The following CSMD1 variants were observed in gnomAD, a reference collection of about 807,000 sequenced individuals.
CSMD1 encodes CUB and sushi domain-containing protein 1.
CSMD1 carries 213 observed loss-of-function variants against 417.5 expected under a neutral mutation model. That is an observed-to-expected ratio of 0.51 (90% CI 0.46 to 0.57). CSMD1 has a LOEUF of 0.57. CSMD1 is among the 20% of genes least tolerant of loss of function. The pLI is 0.00. For missense variants in CSMD1, 6,923 were observed against 4,529.7 expected, an observed-to-expected ratio of 1.53 and a Z score of -15.17; for synonymous variants, 2,862 against 1,736.8, an observed-to-expected ratio of 1.65 and a Z score of -16.11.
chr8:3,714,131 TAA>T (rs1346974771), intron 6 of CSMD1, among the ~76,000 whole-genome samples: 8 of 150,112 alleles, frequency 5.3e-5, no homozygotes, highest in Non-Finnish European at 1.0e-4. Flanking sequence ...ATATAACATA[TAA>T]GTTTATACGT....
chr8:4,516,284 A>T (rs1224126246), intron 2 of CSMD1, among the ~76,000 whole-genome samples: 3 of 152,056 alleles, frequency 2.0e-5, no homozygotes, highest in African/African-American at 7.2e-5. Flanking sequence ...GGAGAAACCA[A>T]CCCCACTGAC....
intron 5 of CSMD1, among the ~76,000 whole-genome samples, chr8:3,853,613 A>T (rs1804067051): frequency 6.6e-6 from 1 of 152,014 alleles, no homozygotes; most frequent in Non-Finnish European, 1.5e-5. Flanking sequence ...ATGAAAAAAG[A>T]AGGAGACCTT....
chr8:4,396,205 C>T (rs939713989), intron 3 of CSMD1, among the ~76,000 whole-genome samples: 2 of 151,918 alleles, frequency 1.3e-5, no homozygotes, highest in African/African-American at 4.8e-5. Context: ...TGACTCACGC[C>T]AATCCCAGCA....
intron 3 of CSMD1, among the ~76,000 whole-genome samples, chr8:4,316,530 T>C (rs1380421028): frequency 1.3e-5 from 2 of 152,120 alleles, no homozygotes; most frequent in Non-Finnish European, 2.9e-5. Context: ...CCATAATAGA[T>C]TTCTGGTAAA....
In CSMD1 at chr8:4,737,804, C is replaced by T. The variant is rs1038382170; in HGVS notation, c.86-100246G>A. 3.3e-5 allele frequency among the ~76,000 whole-genome samples: 5 copies of T among 152,226 alleles called. No homozygotes were observed. The South Asian group carries it at 8.3e-4, about 25-fold the overall frequency. ...CAAATAGTTCTTTGGACAATGGTAGCATCTAAAGTAATGGGCAGCATATGG... is the reference window on the plus strand; with the variant it reads ...CAAATAGTTCTTTGGACAATGGTAGTATCTAAAGTAATGGGCAGCATATGG... On this transcript the variant is annotated intron_variant, in intron 1 of 69. Transcript: ENST00000635120.
intron 8 of CSMD1, chr8:3,613,326 C>G (rs1801980803): frequency 4.8e-6 from 2 of 417,730 alleles, no homozygotes; most frequent in South Asian, 1.7e-5. Flanking sequence ...TGAATTATTC[C>G]AAACATTTAG....
chr8:4,717,827 C>A (rs955393204), intron 1 of CSMD1, among the ~76,000 whole-genome samples: 2 of 151,934 alleles, frequency 1.3e-5, no homozygotes, highest in African/African-American at 4.8e-5. Flanking sequence ...TACCGCCACC[C>A]CAGGAATCTC....
chr8:3,699,808 T>G (rs1316782114), intron 7 of CSMD1, among the ~76,000 whole-genome samples: 5 of 152,062 alleles, frequency 3.3e-5, no homozygotes, highest in African/African-American at 1.2e-4. Flanking sequence ...AAAATCTAAT[T>G]GAAGAAAAAC....
chr8:3,671,840 G>T (rs1044867345), intron 7 of CSMD1, among the ~76,000 whole-genome samples: 1 of 151,976 alleles, frequency 6.6e-6, no homozygotes, highest in East Asian at 1.9e-4. Flanking sequence ...TGACTTGAAA[G>T]CAGGCCCACT....
At chr8:3,633,657 C>G (rs909800361) in intron 7 of CSMD1, among the ~76,000 whole-genome samples, 1 of 152,106 alleles carries the variant, frequency 6.6e-6, no homozygotes, top group Non-Finnish European at 1.5e-5. Context: ...ATTTTTCAAT[C>G]TTAAGACATG....
At position 4,031,999 on chromosome 8, in the gene CSMD1, G is replaced by C. The variant is rs149086811; in HGVS notation, c.516C>G (p.Leu172=). The C allele has an allele frequency of 5.6e-6, 9 of 1,613,914 alleles. No homozygotes were observed. Among genetic ancestry groups the C allele is most frequent in the South Asian group, 5.5e-5 (5 of 91,086 alleles). The part of the protein sequence containing the change: ...NIGDKIRYSC[L]PGYILEGHAI... Reference sequence around the variant, plus strand: ...CGTGGCCTTCCAAGATGTAGCCAGGGAGGCAGCTGTACCGGATTTTGTCTC... The same window carrying C: ...CGTGGCCTTCCAAGATGTAGCCAGGCAGGCAGCTGTACCGGATTTTGTCTC... The change falls in exon 4 of 70, where the codon CTC becomes CTG. Residue 172 remains leucine (L), a synonymous_variant. Transcript: ENST00000635120.
In CSMD1 at chr8:3,087,116, G is replaced by A. The variant is rs1194952827; in HGVS notation, c.7455C>T (p.Ser2485=). ...RNPLGMYQWD[S]LTPLCQAVSC... ...TCTTACCCTGGCAGAGTGGCGTGAG[G>A]GAGTCCCACTGGTACATGCCAAGTG... is the stretch of plus-strand genomic sequence containing the variant. The change falls in exon 49 of 70, where the codon TCC becomes TCT. Residue 2485 remains serine, a synonymous_variant. Transcript: ENST00000635120. 1.9e-6 allele frequency: 3 copies of A among 1,613,448 alleles called. No individual in the cohort carries two copies. The highest frequency in any genetic ancestry group is 2.5e-6 in the Non-Finnish European group (3 of 1,179,852).
intron 23 of CSMD1, among the ~76,000 whole-genome samples, chr8:3,319,706 A>C (rs1476580049): frequency 4.6e-5 from 7 of 152,260 alleles, no homozygotes; most frequent in Admixed American, 1.3e-4. Context: ...GCTGAAGAAA[A>C]ACTAAATTGA....
rs373734287 is a variant in CSMD1, at chr8:4,798,311, T to G, written c.86-160753A>C. Reference sequence around the variant, plus strand: ...TTTGCTGAGAATGATGGTTTCTAGCTTCATCCATGTCCCTACAAAGGACAT... The same window carrying G: ...TTTGCTGAGAATGATGGTTTCTAGCGTCATCCATGTCCCTACAAAGGACAT... On this transcript the variant is annotated intron_variant, in intron 1 of 69. Coordinates refer to ENST00000635120, the MANE Select transcript of CSMD1 (RefSeq NM_033225.6). Among the ~76,000 whole-genome samples the G allele has an allele frequency of 4.6e-5, 7 of 152,332 alleles. No homozygotes were observed. In the East Asian group the frequency reaches 5.8e-4, roughly 13 times the overall value.
At chr8:3,965,538 A>G (rs1812623960) in intron 5 of CSMD1, among the ~76,000 whole-genome samples, 1 of 152,236 alleles carries the variant, frequency 6.6e-6, no homozygotes, top group African/African-American at 2.4e-5. Context: ...GAGCCTGAAC[A>G]ACTAGGTCAG....
intron 23 of CSMD1, among the ~76,000 whole-genome samples, chr8:3,326,978 A>C (rs537076153): frequency 1.3e-5 from 2 of 152,046 alleles, no homozygotes; most frequent in African/African-American, 4.8e-5. Context: ...GGAGCTCAAG[A>C]CCTGCCTGGG....
At chr8:3,545,304 TCC>T (rs1197428639) in intron 10 of CSMD1, among the ~76,000 whole-genome samples, 1 of 152,214 alleles carries the variant, frequency 6.6e-6, no homozygotes, top group African/African-American at 2.4e-5. Context: ...GTTGCTTTTA[TCC>T]CTAGAATTCT....
chr8:3,472,622 A>G (rs1488106002), intron 11 of CSMD1, among the ~76,000 whole-genome samples: 3 of 152,070 alleles, frequency 2.0e-5, no homozygotes, highest in Non-Finnish European at 4.4e-5. Flanking sequence ...CTCACACTAG[A>G]CACATGGTGC....
chr8:3,293,217 T>A (rs906985816), intron 25 of CSMD1, among the ~76,000 whole-genome samples: 1 of 152,190 alleles, frequency 6.6e-6, no homozygotes, highest in African/African-American at 2.4e-5. Flanking sequence ...ATGGGCTTCC[T>A]TTTGTGGGTA....
Sources: gnomAD v4.1 joint callset for allele counts (sites outside exome capture counted in the v4.1 genomes callset) on GRCh38, gnomAD v4.1.1 for gene constraint, MANE v1.5 for transcripts, NCBI Gene and HGNC (gene_info 2026-07-23, HGNC 2026-07-21) for gene names.